The following SUGCT variants were observed in gnomAD, a reference collection of about 807,000 sequenced individuals.
The protein encoded by SUGCT is succinyl-CoA:glutarate CoA-transferase.
In SUGCT, 41 loss-of-function variants were observed where a neutral mutation model predicts 55.0. The ratio of observed to expected loss-of-function variants is 0.74; its 90% confidence interval spans 0.58 to 0.97. SUGCT has a LOEUF of 0.97. SUGCT is among the 50% of genes least tolerant of loss of function. The probability of loss-of-function intolerance (pLI) is 0.00; values close to 1 mark genes in which losing one functional copy is unlikely to be tolerated. For synonymous variants in SUGCT, 187 were observed against 200.4 expected (o/e 0.93, Z 0.56); for missense variants, 568 against 547.8 (o/e 1.04, Z -0.37).
rs1462895853 is a variant in SUGCT at position 40,366,725 on chromosome 7, C to A, written c.816+49870C>A. The stretch of plus-strand genomic sequence containing the variant: ...CAAAACCACAATGAGATACCATCTC[C>A]CACCAGTTAGAATGGCAGTCATTAA... On this transcript the variant is annotated intron_variant, in intron 9 of 13. Coordinates refer to ENST00000335693, the MANE Select transcript of SUGCT (RefSeq NM_001193313.2). 7.2e-5 allele frequency among the ~76,000 whole-genome samples: 11 copies of A among 151,998 alleles called. 1 individual carries two copies. Among genetic ancestry groups the A allele is most frequent in the South Asian group, 6.2e-4 (3 of 4,806 alleles).
chr7:40,554,485 T>A (rs1795458962), intron 12 of SUGCT, among the ~76,000 whole-genome samples: 1 of 152,214 alleles, frequency 6.6e-6, no homozygotes, highest in East Asian at 1.9e-4. Context: ...CCATGGTAAA[T>A]GTGAGAGTTA....
chr7:40,751,744 G>A (rs1266618630), intron 13 of SUGCT, among the ~76,000 whole-genome samples: 1 of 152,166 alleles, frequency 6.6e-6, no homozygotes, highest in Non-Finnish European at 1.5e-5. Context: ...GTTTACAGAT[G>A]AGGTCATACA....
intron 9 of SUGCT, among the ~76,000 whole-genome samples, chr7:40,413,876 A>G (rs59682057): frequency 0.11 from 16,970 of 152,186 alleles, 1,396 homozygotes; most frequent in East Asian, 0.48. Flanking sequence ...TTTCTTTATT[A>G]CATTGATAAA....
the SUGCT span, among the ~76,000 whole-genome samples, chr7:40,983,374 C>T: frequency 6.6e-6 from 1 of 152,192 alleles, no homozygotes; most frequent in East Asian, 1.9e-4. Flanking sequence ...TCTTTCTCTC[C>T]CCTTCTTGGT....
At chr7:41,024,943 GT>G in the SUGCT span, among the ~76,000 whole-genome samples, 1 of 152,192 alleles carries the variant, frequency 6.6e-6, no homozygotes, top group South Asian at 2.1e-4. Context: ...TGTATAAGTT[GT>G]CCTATATGCA....
chr7:40,572,996 T>C (rs925901289), intron 12 of SUGCT, among the ~76,000 whole-genome samples: 14 of 152,210 alleles, frequency 9.2e-5, no homozygotes, highest in East Asian at 3.9e-4. Context: ...AGACATAGGG[T>C]AGAGTAACAA....
intron 12 of SUGCT, among the ~76,000 whole-genome samples, chr7:40,746,496 A>T (rs1311752870): frequency 1.3e-5 from 2 of 152,228 alleles, no homozygotes; most frequent in African/African-American, 4.8e-5. Flanking sequence ...TATGCATGCT[A>T]CAGCAAATGA....
At chr7:40,211,881 C>T (rs1428618463) in intron 6 of SUGCT, among the ~76,000 whole-genome samples, 1 of 152,150 alleles carries the variant, frequency 6.6e-6, no homozygotes, top group Non-Finnish European at 1.5e-5. Context: ...GGAATGTGGG[C>T]ACAAGACTCA....
chr7:41,036,332 A>G, the SUGCT span, among the ~76,000 whole-genome samples: 1 of 152,238 alleles, frequency 6.6e-6, no homozygotes, highest in South Asian at 2.1e-4. Flanking sequence ...TTTATGTTAG[A>G]AATGTTTCTA....
At chr7:40,627,524 G>T (rs1177435275) in intron 12 of SUGCT, among the ~76,000 whole-genome samples, 1 of 152,064 alleles carries the variant, frequency 6.6e-6, no homozygotes, top group South Asian at 2.1e-4. Flanking sequence ...TTACAAAGTT[G>T]CACTTCTGTG....
intron 1 of SUGCT, among the ~76,000 whole-genome samples, chr7:40,172,631 C>T (rs1248124289): frequency 7.9e-5 from 12 of 152,214 alleles, no homozygotes; most frequent in South Asian, 6.2e-4. Flanking sequence ...GATGTAGGGG[C>T]GCACGCATGG....
chr7:40,510,211 A>G (rs1792844253), intron 12 of SUGCT, among the ~76,000 whole-genome samples: 1 of 152,100 alleles, frequency 6.6e-6, no homozygotes, highest in Non-Finnish European at 1.5e-5. Flanking sequence ...ATATTTAATA[A>G]TACTGTATTG....
At chr7:40,370,273 A>G (rs1784226050) in intron 9 of SUGCT, among the ~76,000 whole-genome samples, 1 of 152,158 alleles carries the variant, frequency 6.6e-6, no homozygotes, top group South Asian at 2.1e-4. Context: ...GACAACAAAA[A>G]TAAGTTTTGC....
At chr7:40,254,299 C>T (rs1156707331) in intron 7 of SUGCT, among the ~76,000 whole-genome samples, 1 of 151,064 alleles carries the variant, frequency 6.6e-6, no homozygotes, top group Non-Finnish European at 1.5e-5. Flanking sequence ...AAGGGACTCC[C>T]CTATTTGAGA....
chr7:40,542,189 A>G (rs1794725926), intron 12 of SUGCT, among the ~76,000 whole-genome samples: 1 of 152,242 alleles, frequency 6.6e-6, no homozygotes, highest in Non-Finnish European at 1.5e-5. Context: ...TATGCATAGT[A>G]TCTAATTCAT....
intron 9 of SUGCT, among the ~76,000 whole-genome samples, chr7:40,389,469 A>G (rs62453378): frequency 2.1e-4 from 31 of 148,394 alleles, no homozygotes; most frequent in Non-Finnish European, 3.3e-4. Context: ...AAACAAACAA[A>G]CAAGCAAAAA....
At chr7:40,359,557 A>G (rs1037031880) in intron 9 of SUGCT, among the ~76,000 whole-genome samples, 1 of 152,150 alleles carries the variant, frequency 6.6e-6, no homozygotes, top group Non-Finnish European at 1.5e-5. Flanking sequence ...ATATCAGTAC[A>G]AGTTTCATGG....
intron 12 of SUGCT, among the ~76,000 whole-genome samples, chr7:40,566,082 G>C (rs1451124416): frequency 6.6e-6 from 1 of 151,998 alleles, no homozygotes; most frequent in Admixed American, 6.6e-5. Flanking sequence ...CAGTGAATAT[G>C]TGTGTTTGTT....
intron 7 of SUGCT, among the ~76,000 whole-genome samples, chr7:40,245,437 T>TA (rs1307501337): frequency 0.017 from 965 of 56,516 alleles, 72 homozygotes; most frequent in Non-Finnish European, 0.024. Context: ...TTTTTTTTTT[T>TA]TTTTTTTTTT....
Sources: gnomAD v4.1 joint callset for allele counts (sites outside exome capture counted in the v4.1 genomes callset) on GRCh38, gnomAD v4.1.1 for gene constraint, MANE v1.5 for transcripts, NCBI Gene and HGNC (gene_info 2026-07-23, HGNC 2026-07-21) for gene names.